MYO3B: variants seen among roughly 807,000 people sequenced by gnomAD.
The protein encoded by MYO3B is myosin-IIIb.
A neutral mutation model predicts 174.6 loss-of-function variants in MYO3B; 156 were observed. That is an observed-to-expected ratio of 0.89 (90% CI 0.78 to 1.02). MYO3B has a LOEUF of 1.02. Ranked by LOEUF, MYO3B falls within the 50% of genes least tolerant of loss-of-function variation. The probability of loss-of-function intolerance (pLI) is 0.00; values close to 1 mark genes in which losing one functional copy is unlikely to be tolerated. For synonymous variants in MYO3B, 563 were observed against 569.1 expected, an observed-to-expected ratio of 0.99 and a Z score of 0.15; for missense variants, 1,632 against 1,639.4, an observed-to-expected ratio of 1.00 and a Z score of 0.08.
chr2:170,284,044 A>G (rs2093535175), intron 7 of MYO3B, among the ~76,000 whole-genome samples: 1 of 152,204 alleles, frequency 6.6e-6, no homozygotes, highest in African/African-American at 2.4e-5. Flanking sequence ...TTCCATAAGT[A>G]GAACTCCATG....
chr2:170,348,438 A>G (rs539402399), intron 8 of MYO3B: 1 of 152,070 alleles, frequency 6.6e-6, no homozygotes, highest in Non-Finnish European at 1.5e-5. Context: ...AGATTTCATC[A>G]TGTTGGCCAG....
chr2:170,626,729 G>T (rs1463623508), intron 32 of MYO3B, among the ~76,000 whole-genome samples: 1 of 152,180 alleles, frequency 6.6e-6, no homozygotes, highest in East Asian at 1.9e-4. Flanking sequence ...AGGAGCTCTT[G>T]TAGGGCAGGC....
chr2:170,353,948 A>G (rs1165003701), intron 8 of MYO3B, among the ~76,000 whole-genome samples: 1 of 152,242 alleles, frequency 6.6e-6, no homozygotes, highest in African/African-American at 2.4e-5. Context: ...CCACATGATA[A>G]TTGACCACTG....
intron 32 of MYO3B, among the ~76,000 whole-genome samples, chr2:170,571,539 A>G (rs1007643759): frequency 2.6e-5 from 4 of 152,226 alleles, no homozygotes; most frequent in African/African-American, 9.7e-5. Context: ...GAGAACCACT[A>G]AAGATAGTAA....
At chr2:170,602,273 C>A in intron 32 of MYO3B, 1 of 767,826 alleles carries the variant, frequency 1.3e-6, no homozygotes, top group Non-Finnish European at 2.3e-6. Flanking sequence ...ACCCAGTGCC[C>A]GTCCGGCTCT....
intron 30 of MYO3B, among the ~76,000 whole-genome samples, chr2:170,534,784 TA>T (rs759179885): frequency 2.6e-5 from 4 of 152,208 alleles, no homozygotes. Context: ...TCAAGTGTTT[TA>T]GAACTAATAT....
At chr2:170,611,467 T>C (rs73976206) in intron 32 of MYO3B, among the ~76,000 whole-genome samples, 15,328 of 152,068 alleles carry the variant, frequency 0.1, 2,559 homozygotes, top group African/African-American at 0.34. Context: ...GTAAAATGGG[T>C]ATGAAAAAAA....
intron 8 of MYO3B, among the ~76,000 whole-genome samples, chr2:170,358,138 G>A (rs1031231648): frequency 1.3e-5 from 2 of 149,630 alleles, no homozygotes; most frequent in African/African-American, 4.9e-5. Context: ...GGCAACGAGA[G>A]TGAAACTCCT....
chr2:170,515,782 C>CAG (rs1440859716), intron 29 of MYO3B, among the ~76,000 whole-genome samples: 3 of 152,138 alleles, frequency 2.0e-5, no homozygotes, highest in African/African-American at 7.2e-5. Context: ...AGTGTGTAGG[C>CAG]AGAGAGTCTC....
chr2:170,485,154 C>T (rs1005173896), intron 25 of MYO3B, among the ~76,000 whole-genome samples: 22 of 151,952 alleles, frequency 1.4e-4, no homozygotes, highest in East Asian at 3.9e-4. Context: ...TGTATAGTCA[C>T]GATTCTTTGA....
intron 22 of MYO3B, among the ~76,000 whole-genome samples, chr2:170,437,229 G>A (rs2094761069): frequency 6.7e-6 from 1 of 148,260 alleles, no homozygotes; most frequent in Non-Finnish European, 1.5e-5. Flanking sequence ...TTCACTGGGG[G>A]TGGCCAGGTT....
chr2:170,213,532 G>T (rs1313601844), intron 3 of MYO3B, among the ~76,000 whole-genome samples: 1 of 152,200 alleles, frequency 6.6e-6, no homozygotes, highest in Non-Finnish European at 1.5e-5. Context: ...GGCAGGCCCA[G>T]GCCTGGTTTC....
chr2:170,380,592 C>T (rs1214585878), intron 9 of MYO3B, among the ~76,000 whole-genome samples: 2 of 152,120 alleles, frequency 1.3e-5, no homozygotes, highest in African/African-American at 4.8e-5. Context: ...AAAGGAATTA[C>T]GGGAAGGCCT....
chr2:170,293,277 C>T (rs2093607767), intron 7 of MYO3B, among the ~76,000 whole-genome samples: 1 of 152,072 alleles, frequency 6.6e-6, no homozygotes, highest in South Asian at 2.1e-4. Flanking sequence ...TATACTTTTT[C>T]CATAAAAGTT....
At chr2:170,428,835 T>C (rs370673274) in intron 22 of MYO3B, among the ~76,000 whole-genome samples, 15 of 152,328 alleles carry the variant, frequency 9.8e-5, no homozygotes, top group African/African-American at 3.4e-4. Context: ...AAACTCCTCA[T>C]TTGACATATA....
At chr2:170,597,006 G>A (rs1338544605) in intron 32 of MYO3B, among the ~76,000 whole-genome samples, 2 of 152,114 alleles carry the variant, frequency 1.3e-5, no homozygotes, top group African/African-American at 4.8e-5. Context: ...TTTCAGGGAT[G>A]TAGTGCCAGA....
At chr2:170,450,651 G>C (rs1225336782) in intron 23 of MYO3B, among the ~76,000 whole-genome samples, 1 of 151,930 alleles carries the variant, frequency 6.6e-6, no homozygotes, top group Non-Finnish European at 1.5e-5. Flanking sequence ...TTTCAAAAGA[G>C]AAAACTAAGT....
chr2:170,332,491 A>G (rs1463087687), intron 7 of MYO3B, among the ~76,000 whole-genome samples: 1 of 152,198 alleles, frequency 6.6e-6, no homozygotes, highest in African/African-American at 2.4e-5. Flanking sequence ...GGGTTGTGAG[A>G]GAATTAGAAT....
At chr2:170,648,797 TA>T (rs1698607699) in intron 32 of MYO3B, among the ~76,000 whole-genome samples, 1 of 107,944 alleles carries the variant, frequency 9.3e-6, no homozygotes, top group South Asian at 2.8e-4. Flanking sequence ...ATAATCTATA[TA>T]ATACATATTA....
Sources: gnomAD v4.1 joint callset for allele counts (sites outside exome capture counted in the v4.1 genomes callset) on GRCh38, gnomAD v4.1.1 for gene constraint, MANE v1.5 for transcripts, NCBI Gene and HGNC (gene_info 2026-07-23, HGNC 2026-07-21) for gene names.